The following MAP3K5 variants were observed in gnomAD, a reference collection of about 807,000 sequenced individuals.
MAP3K5 encodes mitogen-activated protein kinase kinase kinase 5, also known as ASK-1.
MAP3K5 carries 56 observed loss-of-function variants against 158.7 expected under a neutral mutation model. The ratio of observed to expected loss-of-function variants is 0.35; its 90% CI spans 0.28 to 0.44. The LOEUF is 0.44. MAP3K5 is among the 20% of genes least tolerant of loss of function. The probability of loss-of-function intolerance (pLI) is 1.00; values close to 1 mark genes in which losing one functional copy is unlikely to be tolerated. For synonymous variants in MAP3K5, 579 were observed against 601.7 expected (o/e 0.96, Z 0.55); for missense variants, 1,294 against 1,674.8 (o/e 0.77, Z 3.97).
At chr6:136,749,399 A>C (rs1783097352) in intron 1 of MAP3K5, among the ~76,000 whole-genome samples, 1 of 150,272 alleles carries the variant, frequency 6.7e-6, no homozygotes, top group South Asian at 2.1e-4. Flanking sequence ...AGGAATTATG[A>C]GGGCTCCATT....
At chr6:136,747,082 T>C (rs1363900973) in intron 1 of MAP3K5, among the ~76,000 whole-genome samples, 3 of 152,160 alleles carry the variant, frequency 2.0e-5, no homozygotes, top group African/African-American at 7.2e-5. Flanking sequence ...CCACCATGTC[T>C]AGCTAATTTT....
intron 23 of MAP3K5, among the ~76,000 whole-genome samples, chr6:136,589,649 G>A (rs1384424107): frequency 6.6e-6 from 1 of 152,082 alleles, no homozygotes; most frequent in African/African-American, 2.4e-5. Flanking sequence ...AGGTCGTAAG[G>A]GTGGGGCCCT....
At chr6:136,622,286 C>T (rs1413667777) in intron 15 of MAP3K5, among the ~76,000 whole-genome samples, 1 of 152,062 alleles carries the variant, frequency 6.6e-6, no homozygotes, top group Non-Finnish European at 1.5e-5. Context: ...AGAGATTTGT[C>T]AGTTACAGTT....
At chr6:136,723,041 C>A (rs1358344279) in intron 1 of MAP3K5, among the ~76,000 whole-genome samples, 2 of 151,722 alleles carry the variant, frequency 1.3e-5, no homozygotes, top group Non-Finnish European at 2.9e-5. Context: ...ACACTCTGAC[C>A]CAATAATTCC....
At chr6:136,642,115 A>C (rs1246218434) in intron 12 of MAP3K5, among the ~76,000 whole-genome samples, 1 of 151,988 alleles carries the variant, frequency 6.6e-6, no homozygotes, top group Non-Finnish European at 1.5e-5. Context: ...GACACAGTGT[A>C]GTAGACGGCA....
intron 1 of MAP3K5, among the ~76,000 whole-genome samples, chr6:136,773,274 G>A (rs953798367): frequency 6.6e-5 from 10 of 152,106 alleles, no homozygotes; most frequent in South Asian, 4.1e-4. Flanking sequence ...AGCCTGCACC[G>A]CTTCCAGAGA....
chr6:136,645,570 C>T (rs370143783), intron 11 of MAP3K5, among the ~76,000 whole-genome samples: 2 of 152,318 alleles, frequency 1.3e-5, no homozygotes, highest in East Asian at 3.9e-4. Flanking sequence ...CTTCTCTCTT[C>T]CTCAATCTTA....
intron 3 of MAP3K5, among the ~76,000 whole-genome samples, chr6:136,703,299 G>A (rs1780931782): frequency 6.6e-6 from 1 of 152,180 alleles, no homozygotes; most frequent in Non-Finnish European, 1.5e-5. Context: ...GTCCAAGCTG[G>A]GCTAGGCAGG....
chr6:136,726,136 T>C (rs192988431), intron 1 of MAP3K5, among the ~76,000 whole-genome samples: 1 of 152,370 alleles, frequency 6.6e-6, no homozygotes, highest in Non-Finnish European at 1.5e-5. Context: ...CAAATTTGTT[T>C]TGGCTGTTTT....
At position 136,704,275 on chromosome 6, in the gene MAP3K5, G is replaced by C. The variant is rs372572840; in HGVS notation, c.612+835C>G. Among the ~76,000 whole-genome samples, 180 of 152,218 alleles carry C rather than the reference G, an allele frequency of 1.2e-3. 1 individual carries two copies. The highest frequency in any genetic ancestry group is 4.3e-3 in the African/African-American group (178 of 41,536). ...TCAATATAAGCTAGCTATCAGTATT[G>C]TTATTCCTATACCTTATCATGATTA... On this transcript the variant is annotated intron_variant, in intron 3 of 29. Coordinates refer to ENST00000359015, the MANE Select transcript of MAP3K5 (RefSeq NM_005923.4).
At chr6:136,666,758 TTAAC>T (rs766369514) in intron 8 of MAP3K5, among the ~76,000 whole-genome samples, 1 of 152,212 alleles carries the variant, frequency 6.6e-6, no homozygotes, top group Non-Finnish European at 1.5e-5. Context: ...TTAGTGAGTT[TTAAC>T]TATGTTTTCA....
chr6:136,667,718 GT>G (rs1239257783), intron 8 of MAP3K5, among the ~76,000 whole-genome samples: 1 of 151,606 alleles, frequency 6.6e-6, no homozygotes, highest in East Asian at 2.0e-4. Flanking sequence ...GGGTGTGGTG[GT>G]ATATGCCTGT....
At chr6:136,581,425 T>A (rs1448796747) in intron 24 of MAP3K5, among the ~76,000 whole-genome samples, 1 of 152,248 alleles carries the variant, frequency 6.6e-6, no homozygotes, top group South Asian at 2.1e-4. Flanking sequence ...TACTACCTGC[T>A]GGCTTACACA....
intron 11 of MAP3K5, among the ~76,000 whole-genome samples, chr6:136,645,511 C>T (rs1778209052): frequency 6.6e-6 from 1 of 152,038 alleles, no homozygotes; most frequent in African/African-American, 2.4e-5. Flanking sequence ...CTTCAACCCC[C>T]AAAAGGGGGG....
chr6:136,597,101 C>G (rs1183768730), intron 21 of MAP3K5, among the ~76,000 whole-genome samples: 4 of 152,184 alleles, frequency 2.6e-5, no homozygotes, highest in Admixed American at 6.5e-5. Context: ...GAATGAACCT[C>G]TCTGAGGATA....
chr6:136,660,495 G>A (rs1316465556), intron 8 of MAP3K5, among the ~76,000 whole-genome samples: 4 of 151,974 alleles, frequency 2.6e-5, no homozygotes, highest in East Asian at 1.9e-4. Context: ...CCTGAAATCC[G>A]GTAATGTAGA....
chr6:136,739,216 G>A (rs1031253767), intron 1 of MAP3K5, among the ~76,000 whole-genome samples: 1 of 152,136 alleles, frequency 6.6e-6, no homozygotes, highest in African/African-American at 2.4e-5. Context: ...AGTCAGTGCT[G>A]ACCAGGCATT....
chr6:136,566,405 A>G (rs1774112303), intron 26 of MAP3K5, among the ~76,000 whole-genome samples: 2 of 150,468 alleles, frequency 1.3e-5, no homozygotes, highest in South Asian at 4.2e-4. Context: ...AGATCACAGC[A>G]GGAGTCCAAA....
Position 136,750,902 on chromosome 6 carries a change from G to A in MAP3K5, c.449-30313C>T, listed in dbSNP as rs141435720. 1.3e-4 allele frequency among the ~76,000 whole-genome samples: 20 copies of A among 152,288 alleles called. No homozygotes were observed. In the East Asian group the frequency reaches 3.7e-3, roughly 28 times the overall value. ...AGTATTTCGGGATGTCAAAAGTTCT[G>A]AGTTTCTTCAGAAATTTTTTCTGAA... On this transcript the variant is annotated intron_variant, in intron 1 of 29. Transcript: ENST00000359015.
Sources: gnomAD v4.1 joint callset for allele counts (sites outside exome capture counted in the v4.1 genomes callset) on GRCh38, gnomAD v4.1.1 for gene constraint, MANE v1.5 for transcripts, NCBI Gene and HGNC (gene_info 2026-07-23, HGNC 2026-07-21) for gene names.